The following SOS1 variants were observed in gnomAD, a reference collection of about 807,000 sequenced individuals.
SOS1 encodes the protein son of sevenless homolog 1.
A neutral mutation model predicts 157.6 loss-of-function variants in SOS1; 25 were observed. The observed-to-expected ratio is 0.16, with a 90% CI of 0.12 to 0.22. The LOEUF (loss-of-function observed/expected upper bound fraction) is 0.22, where lower values mean the gene tolerates loss of function less well. Ranked by LOEUF, SOS1 falls within the 10% of genes least tolerant of loss-of-function variation. The probability of loss-of-function intolerance (pLI) is 1.00; values close to 1 mark genes in which losing one functional copy is unlikely to be tolerated. For synonymous variants in SOS1, 528 were observed against 534.0 expected, an observed-to-expected ratio of 0.99 and a Z score of 0.16; for missense variants, 1,237 against 1,599.1, an observed-to-expected ratio of 0.77 and a Z score of 3.86.
chr2:39,028,310 T>C (rs1670036136), intron 8 of SOS1, among the ~76,000 whole-genome samples: 1 of 152,144 alleles, frequency 6.6e-6, no homozygotes, highest in Non-Finnish European at 1.5e-5. Context: ...TGTAAGGAGC[T>C]GTCAAAAGAA....
chr2:39,093,811 T>C (rs528456030), intron 1 of SOS1, among the ~76,000 whole-genome samples: 256 of 152,328 alleles, frequency 1.7e-3, no homozygotes, highest in Non-Finnish European at 3.0e-3. Context: ...CCAGTCTCTT[T>C]AAAAGGATAC....
At chr2:38,995,895 A>G (rs1168925701) in intron 19 of SOS1, among the ~76,000 whole-genome samples, 1 of 152,188 alleles carries the variant, frequency 6.6e-6, no homozygotes, top group Non-Finnish European at 1.5e-5. Flanking sequence ...CAAAATGATC[A>G]TTTCTCAGTG....
chr2:39,105,827 G>C (rs957402329), intron 1 of SOS1, among the ~76,000 whole-genome samples: 2 of 152,016 alleles, frequency 1.3e-5, no homozygotes, highest in Admixed American at 6.6e-5. Context: ...TAGAACTCTG[G>C]GTGCAGAGGT....
intron 15 of SOS1, among the ~76,000 whole-genome samples, chr2:39,009,666 A>G (rs1200210789): frequency 1.3e-5 from 2 of 152,220 alleles, no homozygotes; most frequent in African/African-American, 4.8e-5. Context: ...GACAAATGGT[A>G]AAGTAATAAC....
upstream of SOS1, chr2:39,124,251 T>A (rs989289435): frequency 1.3e-5 from 2 of 152,322 alleles, no homozygotes; most frequent in African/African-American, 4.8e-5. Context: ...GGTAGGCACG[T>A]GTAGACGTAA....
Position 39,120,427 on chromosome 2 carries a change from C to A in SOS1, c.-5G>T, listed in dbSNP as rs762427847. 3 of 1,580,620 alleles carry A rather than the reference C, an allele frequency of 1.9e-6. No homozygotes were observed. In the East Asian group the frequency reaches 7.2e-5, roughly 38 times the overall value. On this transcript the variant is annotated 5_prime_UTR_variant, in exon 1 of 23. Coordinates refer to ENST00000402219, the MANE Select transcript of SOS1 (RefSeq NM_005633.4). ...GGGCAGCTGCTGCGCCTGCATGGTGCCCCCGGGGCGCCTCTGGGCGGGGAG... is the reference window on the plus strand; with the variant it reads ...GGGCAGCTGCTGCGCCTGCATGGTGACCCCGGGGCGCCTCTGGGCGGGGAG...
chr2:39,116,175 T>C (rs560633884), intron 1 of SOS1, among the ~76,000 whole-genome samples: 5 of 4,966 alleles, frequency 1.0e-3, no homozygotes, highest in African/African-American at 2.6e-3. Context: ...AGAAGTTCAC[T>C]TGAATAACCC....
At chr2:39,089,524 T>G (rs1672503904) in intron 1 of SOS1, among the ~76,000 whole-genome samples, 1 of 82,636 alleles carries the variant, frequency 1.2e-5, no homozygotes, top group Admixed American at 1.5e-4. Flanking sequence ...AACAAGACTC[T>G]GTCTCCAAAA....
rs397517169 is a variant in SOS1 at position 38,986,092 on chromosome 2, C to A, written c.3734G>T (p.Gly1245Val). 3.7e-6 allele frequency: 6 copies of A among 1,613,582 alleles called. No individual in the cohort carries two copies. The highest frequency in any genetic ancestry group is 5.1e-6 in the Non-Finnish European group (6 of 1,179,898). ...AGGGCTGTTTGGGAAGAAGGCATTGCCATGGTCACTTTTTTTGCCCAAAGG... is the reference window on the plus strand; with the variant it reads ...AGGGCTGTTTGGGAAGAAGGCATTGACATGGTCACTTTTTTTGCCCAAAGG... ...PPPLGKKSDH[G>V]NAFFPNSPSP... The change falls in exon 23 of 23, where the codon GGC becomes GTC. Residue 1245 changes from glycine (G) to valine (V), a missense_variant. Coordinates refer to ENST00000402219, the MANE Select transcript of SOS1 (RefSeq NM_005633.4).
chr2:39,056,837 C>G lies in SOS1; in HGVS notation c.375G>C (p.Gln125His), dbSNP rs1400246247. The G allele has an allele frequency of 6.2e-6, 10 of 1,610,766 alleles. No individual in the cohort carries two copies. The highest frequency in any genetic ancestry group is 8.5e-6 in the Non-Finnish European group (10 of 1,177,224). ...KEVLGYKIDH[Q>H]VSVYIVAVLE... ...AGACTGCTACTATGTAAACAGAAAC[C>G]TGGTGGTCAATTTTATAACCTAGGA... is the stretch of plus-strand genomic sequence containing the variant. The change falls in exon 4 of 23, where the codon CAG becomes CAC. Residue 125 changes from glutamine to histidine, a missense_variant. Gln to His is a conservative substitution (Grantham distance 24, BLOSUM62 0). Around this residue, in one of 15 missense-constraint regions of SOS1, gnomAD observed 37 missense variants for 38.5 expected, o/e 0.96. Transcript: ENST00000402219.
At chr2:39,025,784 T>G (rs904553597) in intron 8 of SOS1, among the ~76,000 whole-genome samples, 2 of 152,202 alleles carry the variant, frequency 1.3e-5, no homozygotes, top group Non-Finnish European at 2.9e-5. Flanking sequence ...TTGATAAAAA[T>G]CAGTTACATG....
intron 1 of SOS1, among the ~76,000 whole-genome samples, chr2:39,106,119 C>G (rs1481205168): frequency 6.6e-6 from 1 of 151,534 alleles, no homozygotes; most frequent in Admixed American, 6.6e-5. Flanking sequence ...ACTTCGGAGG[C>G]TGATGTGGGA....
At chr2:39,042,369 C>G (rs2124577689) in intron 6 of SOS1, among the ~76,000 whole-genome samples, 1 of 152,146 alleles carries the variant, frequency 6.6e-6, no homozygotes, top group African/African-American at 2.4e-5. Flanking sequence ...TCCATTTATT[C>G]AGATCTTCCT....
At chr2:39,051,408 T>C (rs1199886981) in intron 5 of SOS1, 121 bp from the exon 6 acceptor site, 10 of 831,792 alleles carry the variant, frequency 1.2e-5, no homozygotes, top group Non-Finnish European at 1.8e-5. Flanking sequence ...GTGAAAAATT[T>C]TAATGACTTA....
chr2:39,029,624 AAAAAC>A (rs955389666), intron 8 of SOS1, among the ~76,000 whole-genome samples: 137 of 152,268 alleles, frequency 9.0e-4, no homozygotes, highest in African/African-American at 2.9e-3. Flanking sequence ...ACCCTGTCTC[AAAAAC>A]AAAACAAAAC....
chr2:39,089,076 G>T (rs1301962387), intron 1 of SOS1, among the ~76,000 whole-genome samples: 1 of 152,150 alleles, frequency 6.6e-6, no homozygotes, highest in Non-Finnish European at 1.5e-5. Flanking sequence ...TGATGAGTGT[G>T]CCTTTACAAA....
intron 1 of SOS1, among the ~76,000 whole-genome samples, chr2:39,102,873 G>T (rs574055016): frequency 1.3e-5 from 2 of 152,104 alleles, no homozygotes; most frequent in Admixed American, 6.6e-5. Flanking sequence ...GAAGATTGCT[G>T]GAGCCCAGGA....
intron 6 of SOS1, among the ~76,000 whole-genome samples, chr2:39,041,182 C>T (rs995838542): frequency 1.3e-5 from 2 of 152,028 alleles, no homozygotes; most frequent in South Asian, 2.1e-4. Context: ...CCTCAGCCCC[C>T]GAGTAGCTGA....
intron 4 of SOS1, 142 bp downstream of exon 4, chr2:39,056,559 TG>T: frequency 3.1e-6 from 2 of 646,772 alleles, no homozygotes; most frequent in Non-Finnish European, 5.5e-6. Flanking sequence ...TTCTATAAAG[TG>T]GTATCTTGAA....
Sources: gnomAD v4.1 joint callset for allele counts (sites outside exome capture counted in the v4.1 genomes callset) on GRCh38, gnomAD v4.1.1 for gene constraint, gnomAD v4.1.1 regional missense constraint, MANE v1.5 for transcripts, NCBI Gene and HGNC (gene_info 2026-07-23, HGNC 2026-07-21) for gene names.